RCAN1: variants seen among roughly 807,000 people sequenced by gnomAD.
RCAN1 encodes regulator of calcineurin 1, also known as calcipressin-1.
A neutral mutation model predicts 22.9 loss-of-function variants in RCAN1; 11 were observed. That is an observed-to-expected ratio of 0.48 (90% CI 0.30 to 0.79). The LOEUF (loss-of-function observed/expected upper bound fraction) is 0.79, where lower values mean the gene tolerates loss of function less well. Among genes scored for constraint, RCAN1 ranks in the 30% least tolerant of loss-of-function variants. The pLI is 0.06. For synonymous variants in RCAN1, 136 were observed against 142.3 expected, an observed-to-expected ratio of 0.96 and a Z score of 0.32; for missense variants, 291 against 337.8, an observed-to-expected ratio of 0.86 and a Z score of 1.09.
intron 1 of RCAN1, among the ~76,000 whole-genome samples, chr21:34,607,811 C>A (rs1332949908): frequency 6.6e-6 from 1 of 152,200 alleles, no homozygotes; most frequent in East Asian, 1.9e-4. Flanking sequence ...GACCACAGAC[C>A]AGTGCCAGTC....
At chr21:34,572,453 G>T (rs961841399) in intron 1 of RCAN1, among the ~76,000 whole-genome samples, 12 of 152,172 alleles carry the variant, frequency 7.9e-5, no homozygotes, top group Non-Finnish European at 1.6e-4. Context: ...TAATCAGGGG[G>T]CCCCAGGGTG....
chr21:34,552,932 C>T lies in RCAN1; in HGVS notation c.253-29222G>A, dbSNP rs75076278. On this transcript the variant is annotated intron_variant, in intron 1 of 3. Coordinates refer to ENST00000313806, the MANE Select transcript of RCAN1 (RefSeq NM_004414.7). ...CCAAACTTTTAATCCACCCCATTTG[C>T]GCAAGTTTTTCTTTTTCTCTTTAAT... Among the ~76,000 whole-genome samples, 64 of 152,258 alleles carry T rather than the reference C, an allele frequency of 4.2e-4. No individual in the cohort carries two copies. The East Asian group carries it at 0.011, about 26-fold the overall frequency.
chr21:34,540,475 T>C (rs1215791311), intron 1 of RCAN1, among the ~76,000 whole-genome samples: 1 of 152,204 alleles, frequency 6.6e-6, no homozygotes, highest in Non-Finnish European at 1.5e-5. Context: ...ATCTCCCACG[T>C]GACTTCTCGA....
chr21:34,551,392 T>C (rs2409524), intron 1 of RCAN1, among the ~76,000 whole-genome samples: 36,772 of 152,076 alleles, frequency 0.24, 5,193 homozygotes, highest in African/African-American at 0.39. Context: ...TTTAAAATAA[T>C]GATGTTGATT....
chr21:34,542,531 G>A (rs959069750), intron 1 of RCAN1, among the ~76,000 whole-genome samples: 2 of 120,236 alleles, frequency 1.7e-5, no homozygotes, highest in Admixed American at 9.2e-5. Flanking sequence ...TGACAACTTG[G>A]GAGTGGACCC....
At chr21:34,541,364 G>A (rs556626588) in intron 1 of RCAN1, among the ~76,000 whole-genome samples, 1 of 152,290 alleles carries the variant, frequency 6.6e-6, no homozygotes, top group East Asian at 1.9e-4. Flanking sequence ...TACCTAAAAA[G>A]AAAAGGTATA....
At chr21:34,607,858 T>G (rs1988577953) in intron 1 of RCAN1, among the ~76,000 whole-genome samples, 1 of 151,924 alleles carries the variant, frequency 6.6e-6, no homozygotes, top group Non-Finnish European at 1.5e-5. Context: ...CAGCAGGAGG[T>G]GAGCAGCGGG....
In RCAN1 at chr21:34,567,935, A is replaced by AT. The variant is rs370625551; in HGVS notation, c.253-44226dup. ...AGATATTTCCCTATGTTCCTTCTGC[A>AT]TTTGGTTGGTCAATGTCAAAGTAAG... is the stretch of plus-strand genomic sequence containing the variant. On this transcript the variant is annotated intron_variant, in intron 1 of 3. Transcript: ENST00000313806. Among the ~76,000 whole-genome samples, 58 of 152,300 alleles carry AT rather than the reference A, an allele frequency of 3.8e-4. 1 individual carries two copies. Among genetic ancestry groups the AT allele is most frequent in the African/African-American group, 1.3e-3 (54 of 41,570 alleles).
At chr21:34,590,518 G>A (rs1238873990) in intron 1 of RCAN1, among the ~76,000 whole-genome samples, 2 of 152,222 alleles carry the variant, frequency 1.3e-5, no homozygotes, top group African/African-American at 4.8e-5. Flanking sequence ...AAACTGTCCT[G>A]AATTTCCTTT....
intron 1 of RCAN1, chr21:34,524,610 AGTCT>A (rs1984871386): frequency 6.5e-6 from 1 of 152,754 alleles, no homozygotes; most frequent in Non-Finnish European, 1.5e-5. Context: ...CTTTTATCTC[AGTCT>A]GTTACTTTTT....
chr21:34,596,372 G>T (rs1433034634), intron 1 of RCAN1, among the ~76,000 whole-genome samples: 8 of 152,140 alleles, frequency 5.3e-5, no homozygotes, highest in Non-Finnish European at 1.0e-4. Flanking sequence ...ACCCACAGGG[G>T]CCCAGGGACT....
chr21:34,545,525 C>T (rs1353883750), intron 1 of RCAN1, among the ~76,000 whole-genome samples: 1 of 152,168 alleles, frequency 6.6e-6, no homozygotes, highest in South Asian at 2.1e-4. Context: ...GATGTGACCC[C>T]CAGTATGCTT....
chr21:34,563,611 T>C (rs1382150350), intron 1 of RCAN1, among the ~76,000 whole-genome samples: 2 of 151,516 alleles, frequency 1.3e-5, no homozygotes, highest in Non-Finnish European at 2.9e-5. Flanking sequence ...CACACTGCTA[T>C]AGAGAACTGC....
chr21:34,588,680 TG>T (rs961139420), intron 1 of RCAN1, among the ~76,000 whole-genome samples: 1 of 152,176 alleles, frequency 6.6e-6, no homozygotes, highest in Non-Finnish European at 1.5e-5. Flanking sequence ...TCCACCTCTG[TG>T]TATGTATCTA....
chr21:34,521,304 A>C, intron 3 of RCAN1, 195 bp downstream of exon 3: 1 of 1,475,292 alleles, frequency 6.8e-7, no homozygotes, highest in Non-Finnish European at 9.0e-7. Context: ...CAGTCTCTCT[A>C]ACACTGCAGG....
At chr21:34,533,023 CTA>C (rs1985486936) in intron 1 of RCAN1, among the ~76,000 whole-genome samples, 1 of 150,542 alleles carries the variant, frequency 6.6e-6, no homozygotes, top group Non-Finnish European at 1.5e-5. Flanking sequence ...TGCAGTGGCA[CTA>C]TCTCGGCTCA....
chr21:34,598,772 C>T (rs914427636), intron 1 of RCAN1, among the ~76,000 whole-genome samples: 1 of 152,122 alleles, frequency 6.6e-6, no homozygotes, highest in Non-Finnish European at 1.5e-5. Flanking sequence ...GTACTAATTT[C>T]CTTAATAAGC....
At chr21:34,530,282 C>T (rs991874995) in intron 1 of RCAN1, among the ~76,000 whole-genome samples, 2 of 152,204 alleles carry the variant, frequency 1.3e-5, no homozygotes, top group Non-Finnish European at 2.9e-5. Context: ...GCATTTGCCT[C>T]CTCTGGCTCC....
At chr21:34,609,039 T>C (rs1988615833) in intron 1 of RCAN1, among the ~76,000 whole-genome samples, 3 of 152,130 alleles carry the variant, frequency 2.0e-5, no homozygotes, top group Admixed American at 2.0e-4. Context: ...CTATATCAAA[T>C]ATGGTAAAGA....
Sources: allele counts gnomAD v4.1 joint callset (sites outside exome capture counted in the v4.1 genomes callset), GRCh38; gene constraint gnomAD v4.1.1; transcripts MANE v1.5; gene names NCBI Gene and HGNC (gene_info 2026-07-23, HGNC 2026-07-21).